Variants in ECE1 observed in about 807,000 individuals in gnomAD.
The protein encoded by ECE1 is endothelin converting enzyme 1, also known as endothelin-converting enzyme 1.
A neutral mutation model predicts 98.6 loss-of-function variants in ECE1; 35 were observed. The ratio of observed to expected loss-of-function variants is 0.35; its 90% CI spans 0.27 to 0.47. The LOEUF is 0.47. Among genes scored for constraint, ECE1 ranks in the 20% least tolerant of loss-of-function variants. ECE1 has a pLI of 1.00. For synonymous variants in ECE1, 394 were observed against 407.1 expected (o/e 0.97, Z 0.39); for missense variants, 814 against 1,025.3 (o/e 0.79, Z 2.81).
intron 2 of ECE1, among the ~76,000 whole-genome samples, chr1:21,287,998 T>G (rs1569664521): frequency 6.6e-6 from 1 of 151,356 alleles, no homozygotes; most frequent in Non-Finnish European, 1.5e-5. Context: ...ATTCAATTAA[T>G]AGAATACTCT....
At chr1:21,324,838 C>G (rs752099833) in intron 1 of ECE1, among the ~76,000 whole-genome samples, 1 of 152,224 alleles carries the variant, frequency 6.6e-6, no homozygotes, top group African/African-American at 2.4e-5. Flanking sequence ...GGGCGTCACC[C>G]AGCACTGCTC....
chr1:21,275,211 A>G (rs2098245141), intron 3 of ECE1, among the ~76,000 whole-genome samples: 1 of 152,190 alleles, frequency 6.6e-6, no homozygotes. Context: ...TGTGAGAGAG[A>G]GACAGACTGA....
In ECE1 at chr1:21,221,768, G is replaced by C. The variant is rs777731783; in HGVS notation, c.2115C>G (p.Leu705=). ...LPTLGLTNNQ[L]FFLGFAQVWC... ...TCACCTGTGCAAAGCCCAGGAAGAA[G>C]AGCTGGTTATTGGTGAGGCCCAGGG... The change falls in exon 18 of 19, where the codon CTC becomes CTG. Residue 705 remains leucine (L), a synonymous_variant. Transcript: ENST00000374893. 1.2e-6 allele frequency: 2 copies of C among 1,614,234 alleles called. No individual in the cohort carries two copies. Among genetic ancestry groups the C allele is most frequent in the Non-Finnish European group, 1.7e-6 (2 of 1,180,034 alleles).
At chr1:21,305,326 G>A (rs1638572596) in intron 1 of ECE1, among the ~76,000 whole-genome samples, 1 of 152,194 alleles carries the variant, frequency 6.6e-6, no homozygotes, top group Admixed American at 6.5e-5. Context: ...GCTGTGCAGT[G>A]CTTGACAGAG....
At chr1:21,273,364 T>C (rs1274431675) in intron 3 of ECE1, among the ~76,000 whole-genome samples, 2 of 150,702 alleles carry the variant, frequency 1.3e-5, no homozygotes, top group Admixed American at 1.3e-4. Flanking sequence ...TGTGTGTGTG[T>C]GTGTGTGTGT....
chr1:21,272,642 G>T, intron 4 of ECE1, 57 bp downstream of exon 4: 1 of 1,605,510 alleles, frequency 6.2e-7, no homozygotes, highest in South Asian at 1.1e-5. Flanking sequence ...AGCTGGCTGG[G>T]CCAGCTGACA....
intron 2 of ECE1, chr1:21,280,055 A>C (rs1449879159): frequency 6.6e-6 from 1 of 152,330 alleles, no homozygotes; most frequent in African/African-American, 2.4e-5. Context: ...CTCCAGCCTA[A>C]CAGTCTAGCT....
chr1:21,325,121 G>C (rs888069576), intron 1 of ECE1, among the ~76,000 whole-genome samples: 1 of 152,158 alleles, frequency 6.6e-6, no homozygotes, highest in Non-Finnish European at 1.5e-5. Context: ...CCAATTTTGT[G>C]TACTGGATTC....
rs1428643484 is a variant in ECE1, at chr1:21,260,312, C to T, written c.574G>A (p.Glu192Lys). Reference protein sequence around the residue: ...YRACMNETRIEELRAKPLMEL... With the variant: ...YRACMNETRIKELRAKPLMEL... ...ATTAGAGGTTTGGCCCTGAGCTCCT[C>T]GATCCTGGTCTCGTTCATGCACGCA... is the stretch of plus-strand genomic sequence containing the variant. The change falls in exon 5 of 19, where the codon GAG becomes AAG. Residue 192 changes from glutamate to lysine, a missense_variant. Coordinates refer to ENST00000374893, the MANE Select transcript of ECE1 (RefSeq NM_001397.3). This position sits in a 1 kb window ranked among gnomAD's most constrained non-coding sequence, Gnocchi z 4.3. 7 of 1,614,142 alleles carry T rather than the reference C, an allele frequency of 4.3e-6. No homozygotes were observed. The highest frequency in any genetic ancestry group is 3.3e-5 in the Admixed American group (2 of 60,012).
chr1:21,325,383 A>G (rs1639056314), intron 1 of ECE1, among the ~76,000 whole-genome samples: 2 of 152,268 alleles, frequency 1.3e-5, no homozygotes, highest in South Asian at 4.1e-4. Context: ...AGGACAGAAC[A>G]GTGCCAGTTC....
intron 1 of ECE1, among the ~76,000 whole-genome samples, chr1:21,305,111 TG>T: frequency 6.6e-6 from 1 of 152,210 alleles, no homozygotes; most frequent in East Asian, 1.9e-4. Flanking sequence ...AAAAATAAAG[TG>T]AAAAATTCAA....
chr1:21,288,546 C>A (rs28367922), intron 2 of ECE1, among the ~76,000 whole-genome samples: 4,764 of 152,286 alleles, frequency 0.031, 229 homozygotes, highest in African/African-American at 0.11. Context: ...AAAGGTTATA[C>A]CCCAAACAGG....
intron 14 of ECE1, among the ~76,000 whole-genome samples, chr1:21,232,870 G>C (rs35182659): frequency 1.3e-5 from 2 of 151,962 alleles, no homozygotes; most frequent in Non-Finnish European, 2.9e-5. Flanking sequence ...TAGAGACAGG[G>C]TTTTGCCATG....
At chr1:21,289,705 GC>G (rs1558416595) in intron 2 of ECE1, among the ~76,000 whole-genome samples, 1 of 152,114 alleles carries the variant, frequency 6.6e-6, no homozygotes, top group East Asian at 1.9e-4. Context: ...CGTAGACTCT[GC>G]CGGTAAAGGG....
chr1:21,224,302 A>G (rs1481618750), intron 17 of ECE1, among the ~76,000 whole-genome samples: 1 of 152,082 alleles, frequency 6.6e-6, no homozygotes, highest in Non-Finnish European at 1.5e-5. Context: ...TCACCTTTTC[A>G]ATAGCTGACA....
intron 2 of ECE1, among the ~76,000 whole-genome samples, chr1:21,289,463 G>A (rs2098264058): frequency 6.6e-6 from 1 of 152,162 alleles, no homozygotes; most frequent in African/African-American, 2.4e-5. Context: ...GGATGCCCAC[G>A]GGCGGAGACC....
intron 1 of ECE1, among the ~76,000 whole-genome samples, chr1:21,339,494 C>T (rs566361474): frequency 1.2e-4 from 18 of 152,296 alleles, no homozygotes; most frequent in African/African-American, 4.1e-4. Context: ...GACCTTTGAG[C>T]CTCAGCTTTT....
intron 1 of ECE1, chr1:21,344,821 C>T (rs1263793905): frequency 6.6e-6 from 1 of 152,630 alleles, no homozygotes; most frequent in African/African-American, 2.4e-5. Context: ...TGCGTCGCCA[C>T]CACATACACC....
intron 2 of ECE1, among the ~76,000 whole-genome samples, chr1:21,283,632 C>A (rs142311960): frequency 6.6e-6 from 1 of 152,090 alleles, no homozygotes. Flanking sequence ...CCCAGGAAGT[C>A]GGGGCATGAA....
Sources: gnomAD v4.1 joint callset for allele counts (sites outside exome capture counted in the v4.1 genomes callset) on GRCh38, gnomAD v4.1.1 for gene constraint, Gnocchi (gnomAD v3.1) non-coding constraint, MANE v1.5 for transcripts, NCBI Gene and HGNC (gene_info 2026-07-23, HGNC 2026-07-21) for gene names.